The following ZNF23 variants were observed in gnomAD, a reference collection of about 807,000 sequenced individuals.
ZNF23 encodes the protein zinc finger protein 23.
Under a neutral mutation model 56.2 loss-of-function variants are expected in ZNF23, and 48 were observed. The observed-to-expected ratio is 0.85, with a 90% confidence interval of 0.68 to 1.09. The LOEUF is 1.09. Ranked by LOEUF, ZNF23 falls within the 50% of genes least tolerant of loss-of-function variation. The probability of loss-of-function intolerance (pLI) is 0.00; values close to 1 mark genes in which losing one functional copy is unlikely to be tolerated. For missense variants in ZNF23, 805 were observed against 811.4 expected, an observed-to-expected ratio of 0.99 and a Z score of 0.10; for synonymous variants, 266 against 283.3, an observed-to-expected ratio of 0.94 and a Z score of 0.61.
rs1215997320 is a variant in ZNF23, at chr16:71,449,434, C to T, written c.720G>A (p.Gln240=). The T allele has an allele frequency of 2.5e-6, 4 of 1,614,118 alleles. No individual in the cohort carries two copies. The African/African-American group carries it at 5.3e-5, about 22-fold the overall frequency. The change falls in exon 5 of 5, where the codon CAG becomes CAA. Residue 240 remains glutamine (Q), a synonymous_variant. Coordinates refer to ENST00000647773, the MANE Select transcript of ZNF23 (RefSeq NM_001381984.1). ...TGAAAGCTTTGCCACACTCCGAACA[C>T]TGATAAGGCTTTTCCTCAGTGTTGT... ...QENNTEEKPY[Q]CSECGKAFSI...
chr16:71,456,615 T>C (rs2043242469), intron 2 of ZNF23, 149 bp downstream of exon 2: 12 of 840,760 alleles, frequency 1.4e-5, no homozygotes, highest in Non-Finnish European at 1.7e-5. Context: ...TCCTGGTCTC[T>C]GCCGCCCTCC....
chr16:71,454,058 C>T lies in ZNF23; in HGVS notation c.144G>A (p.Gly48=), dbSNP rs953965850. The T allele has an allele frequency of 1.9e-6, 3 of 1,614,036 alleles. No individual in the cohort carries two copies. In the African/African-American group the frequency reaches 4.0e-5, roughly 22 times the overall value. The part of the protein sequence containing the change: ...LYRDVMLENY[G]NVASLGFPLL... ...AGGTCTTACCCAGGGAGGCCACATT[C>T]CCATAATTCTCCAGCATCACATCCC... The change falls in exon 3 of 5, where the codon GGG becomes GGA. Residue 48 remains glycine, a synonymous_variant. Coordinates refer to ENST00000647773, the MANE Select transcript of ZNF23 (RefSeq NM_001381984.1).
chr16:71,454,763 C>G (rs2043167236), intron 2 of ZNF23, among the ~76,000 whole-genome samples: 1 of 152,226 alleles, frequency 6.6e-6, no homozygotes, highest in East Asian at 1.9e-4. Flanking sequence ...CTTACCCTCT[C>G]CCATTCAAGT....
intron 4 of ZNF23, 126 bp from the exon 5 acceptor site, chr16:71,450,011 T>G: frequency 1.4e-6 from 1 of 692,292 alleles, no homozygotes; most frequent in Non-Finnish European, 2.3e-6. Flanking sequence ...TCAAAAAACA[T>G]AGGGTTTCTC....
intron 2 of ZNF23, 79 bp downstream of exon 2, chr16:71,456,685 G>A (rs926648443): frequency 2.7e-5 from 27 of 986,038 alleles, no homozygotes; most frequent in Non-Finnish European, 3.3e-5. Flanking sequence ...CTGTCATCCC[G>A]AGGCTCACCA....
chr16:71,454,175 C>T lies in ZNF23; in HGVS notation c.34-7G>A. 1 of 1,611,506 alleles carries T rather than the reference C, an allele frequency of 6.2e-7. No individual in the cohort carries two copies. The highest frequency in any genetic ancestry group is 8.5e-7 in the Non-Finnish European group (1 of 1,179,126). Reference sequence around the variant, plus strand: ...CCTCAAAGGTCACCGACTTCTGAAACAATAGGTTCCTGCTGCCCTAGGGCC... The same window carrying T: ...CCTCAAAGGTCACCGACTTCTGAAATAATAGGTTCCTGCTGCCCTAGGGCC... On this transcript the variant is annotated splice_polypyrimidine_tract_variant and splice_region_variant and intron_variant, in intron 2 of 4. Transcript: ENST00000647773.
In ZNF23 at chr16:71,454,083, C is replaced by A. The variant is rs1446976172; in HGVS notation, c.119G>T (p.Arg40Met). 2 of 1,614,154 alleles carry A rather than the reference C, an allele frequency of 1.2e-6. No individual in the cohort carries two copies. The highest frequency in any genetic ancestry group is 4.5e-5 in the East Asian group (2 of 44,872). Reference protein sequence around the residue: ...GLSPAQRTLYRDVMLENYGNV... With the variant: ...GLSPAQRTLYMDVMLENYGNV... ...CCCATAATTCTCCAGCATCACATCC[C>A]TGTACAGGGTCCTCTGTGCAGGGGA... The change falls in exon 3 of 5, where the codon AGG becomes ATG. Residue 40 changes from arginine (R) to methionine (M), a missense_variant. Coordinates refer to ENST00000647773, the MANE Select transcript of ZNF23 (RefSeq NM_001381984.1).
chr16:71,454,240 G>T (rs1211161321), intron 2 of ZNF23, 72 bp from the exon 3 acceptor site: 2 of 1,533,178 alleles, frequency 1.3e-6, no homozygotes, highest in East Asian at 4.5e-5. Context: ...GCAGAGCGCA[G>T]TATAAGGGCT....
chr16:71,448,251 C>G lies in ZNF23; in HGVS notation c.1903G>C (p.Glu635Gln), dbSNP rs756646144. Residue 635 changes from glutamate (E) to glutamine (Q), a missense_variant, in exon 5 of 5, where the codon GAA becomes CAA. Coordinates refer to ENST00000647773, the MANE Select transcript of ZNF23 (RefSeq NM_001381984.1). ...HTGEKPFRCV[E>Q]CGKGFSFSSD... ...CTAAAGCTGAAGCCTTTGCCACATTCCACACATCTGAAGGGTTTCTCCCCA... is the reference window on the plus strand; with the variant it reads ...CTAAAGCTGAAGCCTTTGCCACATTGCACACATCTGAAGGGTTTCTCCCCA... 6 of 1,614,234 alleles carry G rather than the reference C, an allele frequency of 3.7e-6. No individual in the cohort carries two copies. In the East Asian group the frequency reaches 1.3e-4, roughly 36 times the overall value.
At position 71,454,841 on chromosome 16, in the gene ZNF23, C is replaced by T. The variant is rs570938091; in HGVS notation, c.34-673G>A. ...AGAACATTTGGGAAAGCAGGGAGAC[C>T]GGCCTTCCCACTGGCCGGCTACTCT... is the stretch of plus-strand genomic sequence containing the variant. On this transcript the variant is annotated intron_variant, in intron 2 of 4. Transcript: ENST00000647773. Among the ~76,000 whole-genome samples the T allele has an allele frequency of 1.1e-3, 165 of 152,300 alleles. 1 individual carries two copies. Among genetic ancestry groups the T allele is most frequent in the Admixed American group, 0.01 (158 of 15,306 alleles).
intron 4 of ZNF23, chr16:71,451,411 C>T (rs1361144838): frequency 6.6e-6 from 1 of 152,164 alleles, no homozygotes; most frequent in Non-Finnish European, 1.5e-5. Context: ...AAAAATAATA[C>T]TCATCTGTTG....
chr16:71,456,846 G>C lies in ZNF23; in HGVS notation c.-32-18C>G. The C allele has an allele frequency of 4.1e-6, 4 of 973,550 alleles. No homozygotes were observed. Among genetic ancestry groups the C allele is most frequent in the Non-Finnish European group, 4.9e-6 (4 of 818,674 alleles). The allele number at this position is 973,550 out of a possible 1,614,324, so 60.3% of individuals were successfully genotyped here. ...GGCTGGAGCTAAGGAGAAACACAAA[G>C]AGAGACAAGTGTGAGGCAAGCCACC... On this transcript the variant is annotated intron_variant, in intron 1 of 4. Transcript: ENST00000647773.
chr16:71,449,806 G>A lies in ZNF23; in HGVS notation c.348C>T (p.Asp116=). 6.2e-7 allele frequency: 1 copy of A among 1,613,894 alleles called. No individual in the cohort carries two copies. The change falls in exon 5 of 5, where the codon GAC becomes GAT. Residue 116 remains aspartate (D), a synonymous_variant. Coordinates refer to ENST00000647773, the MANE Select transcript of ZNF23 (RefSeq NM_001381984.1). The part of the protein sequence containing the change: ...KENVSFELQR[D]FSQETDFSEA... ...CTGAAAAGTCTGTTTCCTGGGAAAAGTCTCTTTGAAGTTCAAATGATACAT... is the reference window on the plus strand; with the variant it reads ...CTGAAAAGTCTGTTTCCTGGGAAAAATCTCTTTGAAGTTCAAATGATACAT...
chr16:71,452,808 C>G (rs1314198044), intron 4 of ZNF23, among the ~76,000 whole-genome samples: 4 of 152,168 alleles, frequency 2.6e-5, no homozygotes, highest in Admixed American at 1.3e-4. Flanking sequence ...CAAAGTCACG[C>G]AAATTAGGAA....
rs778764716 is a variant in ZNF23, at chr16:71,449,453, G to C, written c.701C>G (p.Thr234Ser). 1 of 1,614,188 alleles carries C rather than the reference G, an allele frequency of 6.2e-7. No homozygotes were observed. Among genetic ancestry groups the C allele is most frequent in the Admixed American group, 1.7e-5 (1 of 60,028 alleles). The change falls in exon 5 of 5, where the codon ACT becomes AGT. Residue 234 changes from threonine (T) to serine (S), a missense_variant. By Grantham distance (58) the Thr-to-Ser change is moderately conservative. Transcript: ENST00000647773. ...CGAACACTGATAAGGCTTTTCCTCA[G>C]TGTTGTTCTCTTGATGTTGAATAAG... The part of the protein sequence containing the change: ...SQLIQHQENN[T>S]EEKPYQCSEC...
intron 1 of ZNF23, among the ~76,000 whole-genome samples, chr16:71,459,688 G>T (rs1374493624): frequency 1.3e-5 from 2 of 152,168 alleles, no homozygotes; most frequent in African/African-American, 4.8e-5. Context: ...TTTATAGTCA[G>T]TCAGCAATTC....
rs1454456123 is a variant in ZNF23, at chr16:71,448,621, T to G, written c.1533A>C (p.Arg511Ser). ...CAAAAGGTTTCTCCCCAGTGTGAAT[T>G]CTCTGATGCCGCATTAGTTTCCCAT... ...SVNGKLMRHQ[R>S]IHTGEKPFEC... is the part of the protein sequence containing the mutation. The change falls in exon 5 of 5, where the codon AGA becomes AGC. Residue 511 changes from arginine (R) to serine (S), a missense_variant. Coordinates refer to ENST00000647773, the MANE Select transcript of ZNF23 (RefSeq NM_001381984.1). 6 of 1,614,214 alleles carry G rather than the reference T, an allele frequency of 3.7e-6. No individual in the cohort carries two copies. Among genetic ancestry groups the G allele is most frequent in the Non-Finnish European group, 5.1e-6 (6 of 1,180,042 alleles).
rs936826747 is a variant in ZNF23, at chr16:71,447,860, G to A, written c.*233C>T. The A allele has an allele frequency of 4.5e-5, 16 of 355,422 alleles. No individual in the cohort carries two copies. Among genetic ancestry groups the A allele is most frequent in the African/African-American group, 2.7e-4 (13 of 47,478 alleles). 22.0% of individuals were successfully genotyped at this position (355,422 alleles called of 1,614,324 possible). On this transcript the variant is annotated 3_prime_UTR_variant, in exon 5 of 5. Coordinates refer to ENST00000647773, the MANE Select transcript of ZNF23 (RefSeq NM_001381984.1). ...TACTTTTCTTGATGCTGCTGGGAAC[G>A]AAATCTTTTCATTATATTTTCTAAT...
rs2043248077 is a variant in ZNF23 at position 71,456,765 on chromosome 16, T to C, written c.32A>G (p.Gln11Arg). 1.0e-6 allele frequency: 1 copy of C among 986,010 alleles called. No homozygotes were observed. Among genetic ancestry groups the C allele is most frequent in the African/African-American group, 1.7e-5 (1 of 57,358 alleles). The allele number at this position is 986,010 out of a possible 1,614,324, so 61.1% of individuals were successfully genotyped here. Residue 11 changes from glutamine (Q) to arginine (R), a missense_variant and splice_region_variant, in exon 2 of 5, where the codon CAG becomes CGG. Transcript: ENST00000647773. MAAMHLTAWP[Q>R]KSVTFEDVAV... Reference sequence around the variant, plus strand: ...GAGCTGAAGGACCCCACAGCTCACCTGGGGCCAGGCTGTCAGGTGCATGGC... The same window carrying C: ...GAGCTGAAGGACCCCACAGCTCACCCGGGGCCAGGCTGTCAGGTGCATGGC...
Sources: allele counts gnomAD v4.1 joint callset (sites outside exome capture counted in the v4.1 genomes callset), GRCh38; gene constraint gnomAD v4.1.1; transcripts MANE v1.5; gene names NCBI Gene and HGNC (gene_info 2026-07-23, HGNC 2026-07-21).